Variants in SLC9A3 observed in about 807,000 individuals in gnomAD.
SLC9A3 encodes solute carrier family 9 member A3.
SLC9A3 carries 37 observed loss-of-function variants against 86.8 expected under a neutral mutation model. The observed-to-expected ratio is 0.43, with a 90% CI of 0.33 to 0.56. The LOEUF is 0.56. Ranked by LOEUF, SLC9A3 falls within the 20% of genes least tolerant of loss-of-function variation. The pLI is 0.06. For missense variants in SLC9A3, 1,011 were observed against 1,171.9 expected, an observed-to-expected ratio of 0.86 and a Z score of 2.00; for synonymous variants, 581 against 528.3, an observed-to-expected ratio of 1.10 and a Z score of -1.37.
In SLC9A3 at chr5:496,681, C is replaced by T. The variant is rs996264139; in HGVS notation, c.212-4610G>A. Among the ~76,000 whole-genome samples, 2 of 152,036 alleles carry T rather than the reference C, an allele frequency of 1.3e-5. No homozygotes were observed. The highest frequency in any genetic ancestry group is 2.9e-5 in the Non-Finnish European group (2 of 68,026). On this transcript the variant is annotated intron_variant, in intron 1 of 16. Transcript: ENST00000264938. This position sits in a 1 kb window ranked among gnomAD's most constrained non-coding sequence, Gnocchi z 4.7. Reference sequence around the variant, plus strand: ...TATGGCTTCTGAGTTTTGTGTTATACTTAACAAAGCCATTCCTGCTCATGT... The same window carrying T: ...TATGGCTTCTGAGTTTTGTGTTATATTTAACAAAGCCATTCCTGCTCATGT...
At chr5:509,349 A>G (rs12716167) in intron 1 of SLC9A3, among the ~76,000 whole-genome samples, 135,902 of 151,860 alleles carry the variant, frequency 0.89, 61,062 homozygotes, top group African/African-American at 0.92. Context: ...AGCTACTCAG[A>G]AGGCTGAGGC....
chr5:484,790 C>G (rs1739388383), intron 4 of SLC9A3, 93 bp from the exon 5 acceptor site: 2 of 1,225,238 alleles, frequency 1.6e-6, no homozygotes, highest in Admixed American at 1.9e-5. Flanking sequence ...GCCGGGAGCC[C>G]GGGAAACGGG....
chr5:489,339 G>A (rs943575895), intron 2 of SLC9A3, among the ~76,000 whole-genome samples: 7 of 152,292 alleles, frequency 4.6e-5, no homozygotes, highest in East Asian at 1.9e-4. Context: ...GGAGGCCCCC[G>A]ACGAGTCCCC....
At chr5:510,252 G>A (rs1740818300) in intron 1 of SLC9A3, among the ~76,000 whole-genome samples, 1 of 152,248 alleles carries the variant, frequency 6.6e-6, no homozygotes. Context: ...ATGCTGTGTG[G>A]GAAAGGAAAC....
chr5:520,180 G>A (rs1733845380), intron 1 of SLC9A3, among the ~76,000 whole-genome samples: 1 of 152,138 alleles, frequency 6.6e-6, no homozygotes, highest in African/African-American at 2.4e-5. Context: ...AGGCCCCATG[G>A]GATGTCAGCT....
rs1447991010 is a variant in SLC9A3 at position 473,179 on chromosome 5, C to T, written c.*200G>A. 3.2e-5 allele frequency: 16 copies of T among 492,600 alleles called. No individual in the cohort carries two copies. The highest frequency in any genetic ancestry group is 9.6e-5 in the South Asian group (1 of 10,468). The allele number at this position is 492,600 out of a possible 1,614,324, so 30.5% of individuals were successfully genotyped here. A position where few individuals can be genotyped will look rare whatever the true frequency, so the allele number is the denominator to read the frequency against. ...CCCGGCGCAGGCCCCGCCCCCGGCT[C>T]GCCCTCGGGCGGCTCTGCGGGCGCA... is the stretch of plus-strand genomic sequence containing the variant. On this transcript the variant is annotated 3_prime_UTR_variant, in exon 17 of 17. Transcript: ENST00000264938.
At chr5:506,189 A>T (rs1044436574) in intron 1 of SLC9A3, among the ~76,000 whole-genome samples, 20 of 152,126 alleles carry the variant, frequency 1.3e-4, no homozygotes, top group African/African-American at 4.8e-4. Flanking sequence ...CGAAGCCAGG[A>T]CTTTGTCACG....
At chr5:484,399 G>T in intron 5 of SLC9A3, 121 bp downstream of exon 5, 1 of 555,280 alleles carries the variant, frequency 1.8e-6, no homozygotes, top group East Asian at 3.4e-5. Flanking sequence ...CCGGACCCAG[G>T]AGGGTGTGGA....
chr5:475,264 T>A, intron 15 of SLC9A3, 132 bp from the exon 16 acceptor site: 1 of 934,710 alleles, frequency 1.1e-6, no homozygotes, highest in Non-Finnish European at 1.6e-6. Context: ...CACGTGCCTT[T>A]CAGGTTGCGG....
At chr5:499,155 C>A (rs538483581) in intron 1 of SLC9A3, among the ~76,000 whole-genome samples, 1 of 152,366 alleles carries the variant, frequency 6.6e-6, no homozygotes, top group South Asian at 2.1e-4. Context: ...ACGGCTTTTC[C>A]CAAGGACCCA....
rs1249188938 is a variant in SLC9A3 at position 473,047 on chromosome 5, G to A, written c.*332C>T. On this transcript the variant is annotated 3_prime_UTR_variant, in exon 17 of 17. Transcript: ENST00000264938. ...AGCGACGCCAGCTTCAGCAGCGCGG[G>A]GCGGCGGCGCGCGCGAGGCCGCTGG... The A allele has an allele frequency of 8.8e-6, 3 of 339,860 alleles. No homozygotes were observed. In the East Asian group the frequency reaches 1.3e-4, roughly 15 times the overall value. 21.1% of individuals were successfully genotyped at this position (339,860 alleles called of 1,614,324 possible).
chr5:514,588 C>T (rs79446364), intron 1 of SLC9A3, among the ~76,000 whole-genome samples: 3,282 of 152,314 alleles, frequency 0.022, 57 homozygotes, highest in Non-Finnish European at 0.033. Context: ...CCATGAGGGC[C>T]GGGTTCTAAG....
chr5:490,608 C>T (rs1462206862), intron 2 of SLC9A3, among the ~76,000 whole-genome samples: 1 of 152,154 alleles, frequency 6.6e-6, no homozygotes, highest in Non-Finnish European at 1.5e-5. Context: ...ACACTCGACA[C>T]AGCTGGGAGG....
At chr5:503,596 C>A (rs1013367685) in intron 1 of SLC9A3, among the ~76,000 whole-genome samples, 6 of 152,102 alleles carry the variant, frequency 3.9e-5, no homozygotes, top group Admixed American at 3.9e-4. Flanking sequence ...CCTTGAAGAG[C>A]GAATGGTAAA....
At chr5:522,618 C>T (rs903285556) in intron 1 of SLC9A3, among the ~76,000 whole-genome samples, 6 of 151,608 alleles carry the variant, frequency 4.0e-5, no homozygotes, top group Non-Finnish European at 7.4e-5. Flanking sequence ...ATTAGCTGGG[C>T]GTGGTGGCTC....
At chr5:488,251 G>A (rs1429435579) in intron 3 of SLC9A3, 65 bp downstream of exon 3, 2 of 1,561,094 alleles carry the variant, frequency 1.3e-6, no homozygotes, top group South Asian at 2.2e-5. Flanking sequence ...TGACCGATGG[G>A]GGGTGAGACG....
In SLC9A3 at chr5:486,038, A is replaced by G. The variant is rs543891077; in HGVS notation, c.676-807T>C. On this transcript the variant is annotated intron_variant, in intron 3 of 16. Transcript: ENST00000264938. ...ATTCCCGATTAAGTCTCACTTCCCA[A>G]ATTCCCCCGAGAATATCTTGCCGTC... Among the ~76,000 whole-genome samples the G allele has an allele frequency of 2.0e-5, 3 of 152,238 alleles. No homozygotes were observed. The South Asian group carries it at 6.2e-4, about 32-fold the overall frequency.
chr5:473,446 C>CG, intron 16 of SLC9A3, 64 bp from the exon 17 acceptor site: 1 of 1,301,982 alleles, frequency 7.7e-7, no homozygotes, highest in Non-Finnish European at 9.8e-7. Flanking sequence ...GGGGCGTCCC[C>CG]GGGGGCCTCA....
At chr5:507,166 C>CTTTTTTTTTCTTTTTTT (rs1740625798) in intron 1 of SLC9A3, among the ~76,000 whole-genome samples, 1 of 30,668 alleles carries the variant, frequency 3.3e-5, no homozygotes, top group Non-Finnish European at 6.1e-5. Flanking sequence ...GCTGCTGCTT[C>CTTTTTTTTTCTTTTTTT]TTTTTTTTTT....
Sources: allele counts gnomAD v4.1 joint callset (sites outside exome capture counted in the v4.1 genomes callset), GRCh38; gene constraint gnomAD v4.1.1; non-coding constraint Gnocchi (gnomAD v3.1); transcripts MANE v1.5; gene names NCBI Gene and HGNC (gene_info 2026-07-23, HGNC 2026-07-21).